TRPM1: variants seen among roughly 807,000 people sequenced by gnomAD.
The protein encoded by TRPM1 is transient receptor potential cation channel subfamily M member 1.
A neutral mutation model predicts 149.4 loss-of-function variants in TRPM1; 113 were observed. That is an observed-to-expected ratio of 0.76 (90% CI 0.65 to 0.88). TRPM1 has a LOEUF of 0.88. Ranked by LOEUF, TRPM1 falls within the 40% of genes least tolerant of loss-of-function variation. The pLI, the probability that TRPM1 is intolerant of heterozygous loss-of-function variation, is 0.00. For synonymous variants in TRPM1, 741 were observed against 759.5 expected (o/e 0.98, Z 0.40); for missense variants, 1,976 against 2,038.7 (o/e 0.97, Z 0.59).
chr15:31,101,438 AGAG>A (rs1240142844), intron 1 of TRPM1, among the ~76,000 whole-genome samples: 1 of 152,192 alleles, frequency 6.6e-6, no homozygotes, highest in Non-Finnish European at 1.5e-5. Flanking sequence ...GCCAGCCTCA[AGAG>A]GAGATGAGTA....
Position 31,149,835 on chromosome 15 carries a change from C to T in TRPM1, c.54+11071G>A, listed in dbSNP as rs894463697. On this transcript the variant is annotated intron_variant, in intron 1 of 26. Coordinates refer to the TRPM1 transcript ENST00000542188. ...CGCCAGGCCGTGCATCTTTAAAATC[C>T]CTCTTCCATCTTGACATTCTGCCAA... Among the ~76,000 whole-genome samples, 12 of 152,194 alleles carry T rather than the reference C, an allele frequency of 7.9e-5. 1 individual carries two copies. Among genetic ancestry groups the T allele is most frequent in the Admixed American group, 3.9e-4 (6 of 15,282 alleles).
chr15:31,085,020 T>C (rs1351236961), intron 1 of TRPM1, among the ~76,000 whole-genome samples: 1 of 152,032 alleles, frequency 6.6e-6, no homozygotes, highest in Admixed American at 6.5e-5. Context: ...GAATACAAAA[T>C]ATGGCTAGGA....
intron 22 of TRPM1, 23 bp downstream of exon 22, chr15:31,032,666 A>G: frequency 6.2e-7 from 1 of 1,614,196 alleles, no homozygotes; most frequent in Non-Finnish European, 8.5e-7. Context: ...CTCTCTGGAT[A>G]CCCACAGGAT....
rs369499909 is a variant in TRPM1, at chr15:31,049,458, C to T, written c.1489G>A (p.Asp497Asn). The T allele has an allele frequency of 1.5e-4, 241 of 1,614,026 alleles. 1 individual carries two copies. Among genetic ancestry groups the T allele is most frequent in the Non-Finnish European group, 1.2e-5 (14 of 1,180,046 alleles). ...MLDALVLDRV[D>N]FVKLLIENGV... Reference sequence around the variant, plus strand: ...TTTTCAATCAGGAGCTTCACAAAGTCGACACGATCTAAGACTAAAGCATCT... The same window carrying T: ...TTTTCAATCAGGAGCTTCACAAAGTTGACACGATCTAAGACTAAAGCATCT... Residue 497 changes from aspartate to asparagine, a missense_variant, in exon 13 of 28, where the codon GAC becomes AAC. By Grantham distance (23) the Asp-to-Asn change is conservative. Around this residue, in one of 3 missense-constraint regions of TRPM1, gnomAD observed 1,332 missense variants for 1,347.1 expected, o/e 0.99. Transcript: ENST00000256552.
At chr15:31,152,286 G>A (rs2036312861) in intron 1 of TRPM1, among the ~76,000 whole-genome samples, 1 of 152,204 alleles carries the variant, frequency 6.6e-6, no homozygotes, top group Admixed American at 6.5e-5. Context: ...GGGACCACCT[G>A]CCCAGCTTGG....
chr15:31,152,168 C>T (rs1454264132), intron 1 of TRPM1, among the ~76,000 whole-genome samples: 1 of 152,226 alleles, frequency 6.6e-6, no homozygotes, highest in African/African-American at 2.4e-5. Context: ...CACTCAGGCC[C>T]TGGGCCCCAT....
intron 27 of TRPM1, among the ~76,000 whole-genome samples, chr15:31,017,201 G>A (rs983222032): frequency 2.6e-5 from 4 of 152,046 alleles, no homozygotes; most frequent in Non-Finnish European, 5.9e-5. Flanking sequence ...AGCTACTCGG[G>A]AGGCTGAGGC....
chr15:31,159,947 G>C (rs548032115), intron 1 of TRPM1, among the ~76,000 whole-genome samples: 74 of 152,242 alleles, frequency 4.9e-4, no homozygotes, highest in Admixed American at 4.4e-3. Flanking sequence ...GTGCCAGCTG[G>C]GGGGCTGTAT....
chr15:31,028,628 T>C, intron 24 of TRPM1, 152 bp from the exon 25 acceptor site: 1 of 1,028,366 alleles, frequency 9.7e-7, no homozygotes, highest in Non-Finnish European at 1.4e-6. Context: ...AAATAAACTC[T>C]GTAGCCCCAG....
In TRPM1 at chr15:31,062,607, A is replaced by C. The variant is rs772479213; in HGVS notation, c.1061T>G (p.Ile354Arg). The C allele has an allele frequency of 6.2e-7, 1 of 1,614,192 alleles. No homozygotes were observed. The highest frequency in any genetic ancestry group is 2.2e-5 in the East Asian group (1 of 44,888). The change falls in exon 9 of 28, where the codon ATA becomes AGA. Residue 354 changes from isoleucine (I) to arginine (R), a missense_variant. Around this residue, in one of 3 missense-constraint regions of TRPM1, gnomAD observed 1,332 missense variants for 1,347.1 expected, o/e 0.99. Coordinates refer to ENST00000256552, the MANE Select transcript of TRPM1 (RefSeq NM_001252024.2). ...TTCTTTCTTCTTCATGCACTCCATT[A>C]TAATTGCAAACAGCTGATGTGATTG... ...KAQSHQLFAI[I>R]MECMKKKELV...
chr15:31,105,480 C>T (rs11639261), upstream of TRPM1, among the ~76,000 whole-genome samples: 56 of 149,990 alleles, frequency 3.7e-4, no homozygotes, highest in Non-Finnish European at 6.6e-4. Context: ...TGTGCGCGCG[C>T]GCGCGCGTGC....
At chr15:31,038,557 C>G (rs1035435047) in intron 18 of TRPM1, among the ~76,000 whole-genome samples, 4 of 151,996 alleles carry the variant, frequency 2.6e-5, no homozygotes, top group Admixed American at 2.0e-4. Context: ...TACTAAAATA[C>G]AAAAATTAAC....
At chr15:31,094,782 T>G (rs2035332773) in intron 1 of TRPM1, among the ~76,000 whole-genome samples, 2 of 152,226 alleles carry the variant, frequency 1.3e-5, no homozygotes, top group Non-Finnish European at 2.9e-5. Context: ...CTGGTGAAAG[T>G]GTAAAATGGT....
Position 31,002,403 on chromosome 15 carries a change from T to C in TRPM1, c.4297A>G (p.Ile1433Val), listed in dbSNP as rs773058116. ...TVETTNIEGTISYPLEETKIT... is the reference protein window; with the variant it reads ...TVETTNIEGTVSYPLEETKIT... ...TTGGTTTCTTCCAGGGGATAGGAAA[T>C]AGTGCCTTCTATATTTGTCGTTTCC... Residue 1433 changes from isoleucine to valine, a missense_variant, in exon 28 of 28, where the codon ATT (isoleucine) becomes GTT (valine). By Grantham distance (29) the Ile-to-Val change is conservative. Coordinates refer to ENST00000256552, the MANE Select transcript of TRPM1 (RefSeq NM_001252024.2). The C allele has an allele frequency of 2.5e-6, 4 of 1,614,150 alleles. No individual in the cohort carries two copies. The East Asian group carries it at 6.7e-5, about 27-fold the overall frequency.
chr15:31,063,365 G>A, intron 7 of TRPM1, 73 bp from the exon 8 acceptor site: 1 of 1,582,258 alleles, frequency 6.3e-7, no homozygotes, highest in Non-Finnish European at 8.7e-7. Flanking sequence ...AACTCCTGAA[G>A]TATGGGGAAG....
intron 1 of TRPM1, among the ~76,000 whole-genome samples, chr15:31,098,851 G>A (rs2035452262): frequency 6.6e-6 from 1 of 152,074 alleles, no homozygotes; most frequent in African/African-American, 2.4e-5. Flanking sequence ...GGGATTGGGG[G>A]AGCGGGAGCC....
At chr15:31,082,516 C>G (rs2034888591) in intron 1 of TRPM1, among the ~76,000 whole-genome samples, 1 of 152,086 alleles carries the variant, frequency 6.6e-6, no homozygotes, top group South Asian at 2.1e-4. Context: ...CTGGGAGGTA[C>G]TAGATTTAAA....
At chr15:31,015,275 C>T (rs1566989494) in intron 27 of TRPM1, among the ~76,000 whole-genome samples, 3 of 151,844 alleles carry the variant, frequency 2.0e-5, no homozygotes, top group South Asian at 4.2e-4. Flanking sequence ...TAGCTGGGCA[C>T]GGTGGCATGC....
At chr15:31,097,042 CT>C (rs372218562) in intron 1 of TRPM1, among the ~76,000 whole-genome samples, 38 of 152,344 alleles carry the variant, frequency 2.5e-4, no homozygotes, top group African/African-American at 8.9e-4. Context: ...TTGCTCTGCT[CT>C]TTTTCTATGA....
Sources: allele counts gnomAD v4.1 joint callset (sites outside exome capture counted in the v4.1 genomes callset), GRCh38; gene constraint gnomAD v4.1.1; regional missense constraint gnomAD v4.1.1; transcripts MANE v1.5; gene names NCBI Gene and HGNC (gene_info 2026-07-23, HGNC 2026-07-21).